MROH9: variants seen among roughly 807,000 people sequenced by gnomAD.
MROH9 encodes the protein maestro heat like repeat family member 9.
A neutral mutation model predicts 98.2 loss-of-function variants in MROH9; 92 were observed. The ratio of observed to expected loss-of-function variants is 0.94; its 90% CI spans 0.79 to 1.11. The LOEUF is 1.11. Ranked by LOEUF, MROH9 falls within the 50% of genes most tolerant of loss-of-function variation. The probability of loss-of-function intolerance (pLI) is 0.00; values close to 1 mark genes in which losing one functional copy is unlikely to be tolerated. For synonymous variants in MROH9, 397 were observed against 368.9 expected, an observed-to-expected ratio of 1.08 and a Z score of -0.87; for missense variants, 1,057 against 1,014.8, an observed-to-expected ratio of 1.04 and a Z score of -0.57.
At chr1:171,049,795 C>G (rs1230496801) in intron 20 of MROH9, among the ~76,000 whole-genome samples, 2 of 152,016 alleles carry the variant, frequency 1.3e-5, no homozygotes, top group African/African-American at 2.4e-5. Flanking sequence ...GTCTTCTCAC[C>G]TCAGCCCCCT....
At chr1:171,012,595 C>T (rs1206380790) in intron 15 of MROH9, among the ~76,000 whole-genome samples, 6 of 151,362 alleles carry the variant, frequency 4.0e-5, no homozygotes, top group African/African-American at 1.5e-4. Context: ...CTCCGCCTCC[C>T]GGGTTCACTC....
At chr1:171,025,196 C>A (rs1417223473) in intron 19 of MROH9, 122 bp from the exon 20 acceptor site, 1 of 626,966 alleles carries the variant, frequency 1.6e-6, no homozygotes, top group Non-Finnish European at 2.8e-6. Context: ...GAGTATAGTT[C>A]ACACAAAAGC....
At chr1:171,038,193 TAACCCATG>T (rs1653172274) in intron 20 of MROH9, among the ~76,000 whole-genome samples, 1 of 152,046 alleles carries the variant, frequency 6.6e-6, no homozygotes, top group Non-Finnish European at 1.5e-5. Flanking sequence ...GAATCTTTAC[TAACCCATG>T]AGAAAAAGTA....
intron 17 of MROH9, among the ~76,000 whole-genome samples, chr1:171,020,465 A>C (rs1350069514): frequency 6.6e-6 from 1 of 152,222 alleles, no homozygotes; most frequent in Non-Finnish European, 1.5e-5. Context: ...CAACATATAC[A>C]AATCAACAAA....
chr1:170,944,662 A>T (rs1649252878), intron 1 of MROH9, among the ~76,000 whole-genome samples: 1 of 152,140 alleles, frequency 6.6e-6, no homozygotes, highest in Non-Finnish European at 1.5e-5. Context: ...CAGGCTTTAA[A>T]ATAAGCTTTG....
chr1:171,022,453 A>G (rs923299542), intron 17 of MROH9, among the ~76,000 whole-genome samples: 2 of 152,212 alleles, frequency 1.3e-5, no homozygotes, highest in Admixed American at 6.5e-5. Flanking sequence ...TTGCAGGGAC[A>G]TGGATGAAGC....
In MROH9 at chr1:171,024,782, T is replaced by A; in HGVS notation, c.2178+17T>A. 1.4e-6 allele frequency: 2 copies of A among 1,387,306 alleles called. No individual in the cohort carries two copies. The highest frequency in any genetic ancestry group is 2.5e-5 in the South Asian group (2 of 80,482). The allele number at this position is 1,387,306 out of a possible 1,614,324, so 85.9% of individuals were successfully genotyped here. On this transcript the variant is annotated intron_variant, in intron 19 of 21. Transcript: ENST00000367759. ...AACAATCTTGTAAGTGGCCCTTCCA[T>A]TTTTACTACTATAAGAGTTGTAGAC...
At chr1:171,024,595 G>A in intron 18 of MROH9, 48 bp downstream of exon 18, 1 of 1,531,168 alleles carries the variant, frequency 6.5e-7, no homozygotes, top group Non-Finnish European at 8.8e-7. Context: ...GGATTGTAAT[G>A]TTTTATCTAA....
rs1274646310 is a variant in MROH9, at chr1:171,028,411, G to A, written c.2281+2991G>A. Among the ~76,000 whole-genome samples, 5 of 152,188 alleles carry A rather than the reference G, an allele frequency of 3.3e-5. No individual in the cohort carries two copies. The East Asian group carries it at 5.8e-4, about 18-fold the overall frequency. ...GTATCTGCTTTGGTACCAGTACCAT[G>A]TTGTTTTGATTACTGTAGCCTTGTG... On this transcript the variant is annotated intron_variant, in intron 20 of 21. Coordinates refer to ENST00000367759, the MANE Select transcript of MROH9 (RefSeq NM_001163629.2).
intron 3 of MROH9, among the ~76,000 whole-genome samples, chr1:170,957,094 CAA>C (rs1571447924): frequency 1.4e-5 from 2 of 147,134 alleles, no homozygotes; most frequent in East Asian, 4.1e-4. Context: ...TTATGTTTTA[CAA>C]ATATTTTATC....
chr1:171,052,513 T>G (rs1023283483), intron 20 of MROH9, among the ~76,000 whole-genome samples: 4 of 152,118 alleles, frequency 2.6e-5, no homozygotes, highest in African/African-American at 9.7e-5. Flanking sequence ...TGCCGGGAGA[T>G]ATGTCCAGGT....
intron 20 of MROH9, among the ~76,000 whole-genome samples, chr1:171,051,566 C>A (rs1653666558): frequency 6.6e-6 from 1 of 152,026 alleles, no homozygotes; most frequent in Non-Finnish European, 1.5e-5. Context: ...GGGAAGGGAA[C>A]AACACAAACT....
chr1:171,036,835 C>A (rs1653114121), intron 20 of MROH9, among the ~76,000 whole-genome samples: 2 of 149,156 alleles, frequency 1.3e-5, no homozygotes, highest in South Asian at 2.1e-4. Context: ...AAAAACGAAA[C>A]CCAAAGAATA....
At chr1:171,056,826 A>G (rs530201501) in intron 20 of MROH9, among the ~76,000 whole-genome samples, 1 of 152,272 alleles carries the variant, frequency 6.6e-6, no homozygotes, top group East Asian at 1.9e-4. Flanking sequence ...AACCAGATGA[A>G]TAGGGCATGA....
chr1:170,947,488 G>C (rs775603241), intron 2 of MROH9, 39 bp from the exon 3 acceptor site: 2 of 1,579,462 alleles, frequency 1.3e-6, no homozygotes, highest in East Asian at 2.2e-5. Flanking sequence ...AGGAGTCTAT[G>C]TTCATTCCTT....
intron 20 of MROH9, among the ~76,000 whole-genome samples, chr1:171,043,078 G>T (rs908878394): frequency 1.3e-5 from 2 of 152,022 alleles, no homozygotes; most frequent in African/African-American, 4.8e-5. Flanking sequence ...ATGTCCTGGA[G>T]GTTTTCCCCA....
intron 15 of MROH9, among the ~76,000 whole-genome samples, chr1:171,013,237 C>T (rs1652218700): frequency 1.3e-5 from 2 of 152,196 alleles, no homozygotes; most frequent in African/African-American, 2.4e-5. Flanking sequence ...CCCTGGGCCA[C>T]ATACTGGTAC....
chr1:170,987,490 A>G (rs930063752), intron 10 of MROH9, among the ~76,000 whole-genome samples: 1 of 152,188 alleles, frequency 6.6e-6, no homozygotes, highest in African/African-American at 2.4e-5. Context: ...CCTTTCCTCC[A>G]CAGTCTCTCT....
chr1:170,958,277 A>T (rs1011555364), intron 3 of MROH9, among the ~76,000 whole-genome samples, 184 bp from the exon 4 acceptor site: 1 of 152,212 alleles, frequency 6.6e-6, no homozygotes, highest in South Asian at 2.1e-4. Context: ...TTAGGCAAAC[A>T]TACTATTGTA....
Sources: gnomAD v4.1 joint callset for allele counts (sites outside exome capture counted in the v4.1 genomes callset) on GRCh38, gnomAD v4.1.1 for gene constraint, MANE v1.5 for transcripts, NCBI Gene and HGNC (gene_info 2026-07-23, HGNC 2026-07-21) for gene names.